Variants in APP observed in about 807,000 individuals in gnomAD.
APP encodes the protein amyloid-beta precursor protein.
In APP, 31 loss-of-function variants were observed where a neutral mutation model predicts 101.4. The ratio of observed to expected loss-of-function variants is 0.31; its 90% CI spans 0.23 to 0.41. The LOEUF is 0.41. APP is among the 10% of genes least tolerant of loss of function. The pLI, the probability that APP is intolerant of heterozygous loss-of-function variation, is 1.00. For missense variants in APP, 839 were observed against 1,003.7 expected (o/e 0.84, Z 2.22); for synonymous variants, 366 against 364.4 (o/e 1.00, Z -0.05).
intron 1 of APP, among the ~76,000 whole-genome samples, chr21:26,139,498 C>A (rs141696415): frequency 6.6e-6 from 1 of 152,182 alleles, no homozygotes; most frequent in African/African-American, 2.4e-5. Context: ...TCCCAGAAAA[C>A]GGTTTGAGAA....
intron 3 of APP, among the ~76,000 whole-genome samples, chr21:26,089,312 C>T (rs1026197370): frequency 5.3e-5 from 8 of 151,970 alleles, no homozygotes; most frequent in South Asian, 2.1e-4. Flanking sequence ...GAAAAGAGCA[C>T]GATACCACAT....
intron 15 of APP, among the ~76,000 whole-genome samples, chr21:25,898,224 T>G (rs2038209004): frequency 6.6e-6 from 1 of 152,230 alleles, no homozygotes; most frequent in South Asian, 2.1e-4. Flanking sequence ...GTGTTCTAGT[T>G]ACACAGATTG....
chr21:26,059,115 A>G (rs1002922695), intron 3 of APP, among the ~76,000 whole-genome samples: 1 of 152,036 alleles, frequency 6.6e-6, no homozygotes, highest in Admixed American at 6.5e-5. Context: ...ATTAAAATAA[A>G]AAAAAAACAG....
chr21:26,034,656 GAAAAAGAA>G (rs2045014830), intron 5 of APP, among the ~76,000 whole-genome samples: 1 of 138,428 alleles, frequency 7.2e-6, no homozygotes, highest in Admixed American at 7.0e-5. Context: ...AAAAGAAAAA[GAAAAAGAA>G]AAAAAGAAAA....
chr21:26,113,519 G>A (rs987465395), intron 1 of APP, among the ~76,000 whole-genome samples: 2 of 152,210 alleles, frequency 1.3e-5, no homozygotes, highest in African/African-American at 4.8e-5. Context: ...TGCAAAAGCT[G>A]CTGGCAAAAT....
At chr21:25,945,300 A>G (rs2040759162) in intron 13 of APP, among the ~76,000 whole-genome samples, 1 of 151,142 alleles carries the variant, frequency 6.6e-6, no homozygotes, top group Non-Finnish European at 1.5e-5. Context: ...GTTCTAGTAG[A>G]TAAAAGTGTT....
chr21:26,046,302 C>T (rs1255079058), intron 5 of APP, among the ~76,000 whole-genome samples: 1 of 151,616 alleles, frequency 6.6e-6, no homozygotes, highest in South Asian at 2.1e-4. Flanking sequence ...CCCAATTACT[C>T]GGGAAGCTGA....
In APP at chr21:25,991,537, C is replaced by T. The variant is rs540355371; in HGVS notation, c.1090+5823G>A. On this transcript the variant is annotated intron_variant, in intron 8 of 17. Coordinates refer to ENST00000346798, the MANE Select transcript of APP (RefSeq NM_000484.4). ...GGATTACAGGCGCCCATCACCACGC[C>T]CAGCTAGTTTTTGTGTTTTTAGCAG... Among the ~76,000 whole-genome samples the T allele has an allele frequency of 2.0e-5, 3 of 152,242 alleles. No individual in the cohort carries two copies. In the East Asian group the frequency reaches 5.8e-4, roughly 29 times the overall value.
At chr21:26,023,172 A>T (rs1276368133) in intron 5 of APP, among the ~76,000 whole-genome samples, 1 of 152,180 alleles carries the variant, frequency 6.6e-6, no homozygotes, top group East Asian at 1.9e-4. Context: ...TAGAAAACCA[A>T]ATATTTCAGT....
intron 1 of APP, among the ~76,000 whole-genome samples, chr21:26,170,276 G>A (rs1005717066): frequency 6.6e-6 from 1 of 152,144 alleles, no homozygotes; most frequent in Admixed American, 6.5e-5. Context: ...GACTAAGTCG[G>A]GGTCTGGGCT....
intron 6 of APP, among the ~76,000 whole-genome samples, chr21:26,006,220 GCTAT>G (rs1311409326): frequency 2.0e-5 from 3 of 152,148 alleles, no homozygotes; most frequent in Non-Finnish European, 2.9e-5. Flanking sequence ...GACTTACATG[GCTAT>G]CTAAGGAACC....
chr21:26,109,131 A>G (rs2062252821), intron 2 of APP, among the ~76,000 whole-genome samples: 1 of 152,196 alleles, frequency 6.6e-6, no homozygotes, highest in Non-Finnish European at 1.5e-5. Flanking sequence ...AGGTGACAGC[A>G]AAGGGCTAAT....
chr21:26,093,417 T>G (rs2061869329), intron 2 of APP, among the ~76,000 whole-genome samples: 1 of 152,198 alleles, frequency 6.6e-6, no homozygotes, highest in South Asian at 2.1e-4. Flanking sequence ...ATAAACCCAG[T>G]GGCAGGCATA....
chr21:26,049,034 C>G (rs992937294), intron 5 of APP, among the ~76,000 whole-genome samples: 1 of 152,080 alleles, frequency 6.6e-6, no homozygotes, highest in Non-Finnish European at 1.5e-5. Flanking sequence ...TTCTGAATGC[C>G]CTGCAAGAGA....
chr21:26,118,903 A>AAT (rs1007927821), intron 1 of APP, among the ~76,000 whole-genome samples: 2 of 152,048 alleles, frequency 1.3e-5, no homozygotes, highest in African/African-American at 2.4e-5. Flanking sequence ...ATGAAAAAAA[A>AAT]ATATATATAT....
At chr21:25,897,919 T>G (rs1334662601) in intron 15 of APP, 1 of 516,202 alleles carries the variant, frequency 1.9e-6, no homozygotes. Flanking sequence ...TTTAAATACA[T>G]GCTATAATTT....
At chr21:25,990,681 C>T (rs2042824245) in intron 8 of APP, among the ~76,000 whole-genome samples, 2 of 152,164 alleles carry the variant, frequency 1.3e-5, no homozygotes, top group Non-Finnish European at 2.9e-5. Context: ...AAGGATAAAG[C>T]TGATTTCATT....
intron 5 of APP, among the ~76,000 whole-genome samples, chr21:26,050,079 A>T (rs2830025): frequency 0.17 from 25,922 of 152,082 alleles, 2,494 homozygotes; most frequent in South Asian, 0.24. Context: ...CTGTGGTCCC[A>T]GTGTTCTAGC....
At chr21:25,946,666 C>CAAAAATAAAAAT (rs71183535) in intron 13 of APP, among the ~76,000 whole-genome samples, 386 of 149,432 alleles carry the variant, frequency 2.6e-3, no homozygotes, top group African/African-American at 7.5e-3. Flanking sequence ...ACTCTGTCTC[C>CAAAAATAAAAAT]AAAAATAAAA....
Sources: gnomAD v4.1 joint callset for allele counts (sites outside exome capture counted in the v4.1 genomes callset) on GRCh38, gnomAD v4.1.1 for gene constraint, MANE v1.5 for transcripts, NCBI Gene and HGNC (gene_info 2026-07-23, HGNC 2026-07-21) for gene names.